The following RASGRP1 variants were observed in gnomAD, a reference collection of about 807,000 sequenced individuals.
RASGRP1 encodes RAS guanyl-releasing protein 1.
Under a neutral mutation model 95.1 loss-of-function variants are expected in RASGRP1, and 37 were observed. That is an observed-to-expected ratio of 0.39 (90% confidence interval 0.30 to 0.51). The LOEUF is 0.51. RASGRP1 is among the 20% of genes least tolerant of loss of function. RASGRP1 has a pLI of 0.80. For synonymous variants in RASGRP1, 325 were observed against 353.4 expected (o/e 0.92, Z 0.90); for missense variants, 711 against 965.4 (o/e 0.74, Z 3.49).
chr15:38,506,428 A>G (rs902698077), intron 9 of RASGRP1, among the ~76,000 whole-genome samples: 8 of 152,146 alleles, frequency 5.3e-5, no homozygotes, highest in Non-Finnish European at 1.0e-4. Context: ...TGAGCTCAGG[A>G]GTTTGAGACC....
chr15:38,529,118 C>T (rs566220977), intron 2 of RASGRP1, among the ~76,000 whole-genome samples: 2 of 152,320 alleles, frequency 1.3e-5, no homozygotes, highest in East Asian at 3.9e-4. Flanking sequence ...TCCTTGGCCT[C>T]ACCCTAGTTG....
At chr15:38,503,799 A>C in intron 10 of RASGRP1, 1 of 217,606 alleles carries the variant, frequency 4.6e-6, no homozygotes, top group East Asian at 1.5e-4. Context: ...AATCATCGGA[A>C]GCCTGGACAA....
In RASGRP1 at chr15:38,511,631, A is replaced by G. The variant is rs1566917588; in HGVS notation, c.939T>C (p.Ser313=). The G allele has an allele frequency of 2.5e-6, 4 of 1,613,386 alleles. No homozygotes were observed. The highest frequency in any genetic ancestry group is 1.6e-4 in the Middle Eastern group (1 of 6,074). Residue 313 remains serine, a synonymous_variant, in exon 8 of 17, where the codon AGT becomes AGC. Transcript: ENST00000310803. The part of the protein sequence containing the change: ...HSSISRLKET[S]SHVPHEINKV... ...TATTGATTTCATGTGGGACATGCGA[A>G]CTTGTCTCCTTGAGCCTCGAGATTG...
At chr15:38,505,978 C>T (rs1378114212) in intron 9 of RASGRP1, 58 bp from the exon 10 acceptor site, 1 of 1,335,184 alleles carries the variant, frequency 7.5e-7, no homozygotes, top group African/African-American at 1.4e-5. Flanking sequence ...TCTCCCACAG[C>T]TGATGGTTCT....
At chr15:38,508,841 G>C (rs1307313843) in intron 8 of RASGRP1, among the ~76,000 whole-genome samples, 1 of 152,178 alleles carries the variant, frequency 6.6e-6, no homozygotes, top group African/African-American at 2.4e-5. Context: ...TTTCTCAGAA[G>C]CAAAGACATG....
chr15:38,562,446 G>A (rs1198576276), intron 1 of RASGRP1, among the ~76,000 whole-genome samples: 1 of 152,196 alleles, frequency 6.6e-6, no homozygotes, highest in Non-Finnish European at 1.5e-5. Context: ...GTGCGCCCCA[G>A]GTGGGCGCCC....
intron 2 of RASGRP1, among the ~76,000 whole-genome samples, chr15:38,556,866 T>C (rs1023761472): frequency 9.9e-5 from 15 of 152,176 alleles, no homozygotes; most frequent in Non-Finnish European, 2.1e-4. Context: ...TTTAAAACAG[T>C]TTCTTTCCCT....
At position 38,560,915 on chromosome 15, in the gene RASGRP1, G is replaced by A. The variant is rs138884887; in HGVS notation, c.36-910C>T. On this transcript the variant is annotated intron_variant, in intron 1 of 16. Transcript: ENST00000310803. ...TCTATCTCTGGTCATGACCTCATCA[G>A]TACAAGTCATTTTGCGAAATGATTT... Among the ~76,000 whole-genome samples, 81 of 152,234 alleles carry A rather than the reference G, an allele frequency of 5.3e-4. No individual in the cohort carries two copies. In the East Asian group the frequency reaches 0.01, roughly 20 times the overall value.
chr15:38,509,345 T>G (rs1566916110), intron 8 of RASGRP1, among the ~76,000 whole-genome samples: 1 of 152,192 alleles, frequency 6.6e-6, no homozygotes, highest in South Asian at 2.1e-4. Flanking sequence ...AGACGGCTAC[T>G]TAGTGACTGA....
intron 2 of RASGRP1, among the ~76,000 whole-genome samples, chr15:38,529,760 G>T (rs140450144): frequency 9.9e-5 from 15 of 152,212 alleles, no homozygotes; most frequent in African/African-American, 2.6e-4. Flanking sequence ...GAACTATATC[G>T]AATAGGAAAC....
intron 2 of RASGRP1, among the ~76,000 whole-genome samples, chr15:38,528,631 G>C (rs1251176109): frequency 1.3e-5 from 2 of 151,916 alleles, no homozygotes; most frequent in Non-Finnish European, 2.9e-5. Flanking sequence ...TTAAATGTCA[G>C]CATGCTCTGT....
Position 38,489,777 on chromosome 15 carries a change from A to G in RASGRP1, c.*777T>C, listed in dbSNP as rs958729441. The G allele has an allele frequency of 1.3e-5, 2 of 151,928 alleles. No individual in the cohort carries two copies. Among genetic ancestry groups the G allele is most frequent in the Admixed American group, 6.6e-5 (1 of 15,228 alleles). The allele number at this position is 151,928 out of a possible 1,614,324, so 9.4% of individuals were successfully genotyped here. A position where few individuals can be genotyped will look rare whatever the true frequency, so the allele number is the denominator to read the frequency against. On this transcript the variant is annotated 3_prime_UTR_variant, in exon 17 of 17. Coordinates refer to ENST00000310803, the MANE Select transcript of RASGRP1 (RefSeq NM_005739.4). ...CCTAATTCTATCCACTGTAGAATAT[A>G]TAAGGACAAACATGTTTGCGTTATG...
At chr15:38,520,103 T>C (rs2141129728) in intron 3 of RASGRP1, among the ~76,000 whole-genome samples, 1 of 152,320 alleles carries the variant, frequency 6.6e-6, no homozygotes, top group South Asian at 2.1e-4. Flanking sequence ...AAAATATTCA[T>C]CTATTTTAAG....
At chr15:38,498,447 A>G (rs1241804782) in intron 15 of RASGRP1, among the ~76,000 whole-genome samples, 1 of 152,144 alleles carries the variant, frequency 6.6e-6, no homozygotes, top group East Asian at 1.9e-4. Flanking sequence ...GTACATACAT[A>G]TTTTCCCTAG....
intron 3 of RASGRP1, among the ~76,000 whole-genome samples, chr15:38,522,678 A>T (rs1228202716): frequency 1.3e-5 from 2 of 152,214 alleles, no homozygotes; most frequent in East Asian, 3.8e-4. Flanking sequence ...GAGGGTAGAA[A>T]GGCTTTCAAG....
At position 38,545,419 on chromosome 15, in the gene RASGRP1, G is replaced by A. The variant is rs147508726; in HGVS notation, c.220+14402C>T. 1.2e-4 allele frequency among the ~76,000 whole-genome samples: 18 copies of A among 152,092 alleles called. No homozygotes were observed. In the East Asian group the frequency reaches 1.5e-3, roughly 13 times the overall value. ...AGGAAACGCTCCTTCCCCAGATTCCGTCATGTGGTTTTAGAGAGAAATGCT... is the reference window on the plus strand; with the variant it reads ...AGGAAACGCTCCTTCCCCAGATTCCATCATGTGGTTTTAGAGAGAAATGCT... On this transcript the variant is annotated intron_variant, in intron 2 of 16. Transcript: ENST00000310803.
rs777329250 is a variant in RASGRP1, at chr15:38,534,276, C to A, written c.221-7872G>T. 2.0e-5 allele frequency: 3 copies of A among 152,296 alleles called. No homozygotes were observed. In the East Asian group the frequency reaches 5.8e-4, roughly 29 times the overall value. The allele number at this position is 152,296 out of a possible 1,614,324, so 9.4% of individuals were successfully genotyped here. On this transcript the variant is annotated intron_variant, in intron 2 of 16. Coordinates refer to ENST00000310803, the MANE Select transcript of RASGRP1 (RefSeq NM_005739.4). ...AGTGGTTGGTGCTCTAAACCAAGAA[C>A]AAAAATGTTAATATAAGGTGAGAAT...
chr15:38,556,199 A>C (rs1269922947), intron 2 of RASGRP1, among the ~76,000 whole-genome samples: 2 of 152,204 alleles, frequency 1.3e-5, no homozygotes, highest in African/African-American at 4.8e-5. Context: ...GTAAAGCATG[A>C]TCTCTGGTTA....
At chr15:38,523,690 C>T (rs1019849506) in intron 3 of RASGRP1, among the ~76,000 whole-genome samples, 3 of 152,132 alleles carry the variant, frequency 2.0e-5, no homozygotes, top group Non-Finnish European at 4.4e-5. Flanking sequence ...TAAGTGCCCC[C>T]CTATACATAT....
Sources: gnomAD v4.1 joint callset for allele counts (sites outside exome capture counted in the v4.1 genomes callset) on GRCh38, gnomAD v4.1.1 for gene constraint, MANE v1.5 for transcripts, NCBI Gene and HGNC (gene_info 2026-07-23, HGNC 2026-07-21) for gene names.